ZNF81: variants seen among roughly 807,000 people sequenced by gnomAD.
The protein encoded by ZNF81 is zinc finger protein 81 (HFZ20).
ZNF81 carries 5 observed loss-of-function variants against 32.3 expected under a neutral mutation model. The observed-to-expected ratio is 0.15, with a 90% CI of 0.08 to 0.33. The LOEUF (loss-of-function observed/expected upper bound fraction) is 0.33. Among genes scored for constraint, ZNF81 ranks in the 10% least tolerant of loss-of-function variants. The pLI is 1.00. For synonymous variants in ZNF81, 163 were observed against 166.8 expected (o/e 0.98, Z 0.17); for missense variants, 379 against 479.8 (o/e 0.79, Z 1.96).
chrX:47,915,470 C>T lies in ZNF81; in HGVS notation c.824C>T (p.Thr275Ile), dbSNP rs782354746. The change falls in exon 5 of 5, where the codon ACA becomes ATA. Residue 275 changes from threonine (T) to isoleucine (I), a missense_variant. Thr to Ile is a moderately conservative substitution (Grantham distance 89, BLOSUM62 -1). This residue lies in a region of ZNF81 where 277 missense variants were observed against 306.6 expected (regional missense o/e 0.90). Transcript: ENST00000338637. Reference protein sequence around the residue: ...VKFPIGEKANTCTEFGKIFTQ... With the variant: ...VKFPIGEKANICTEFGKIFTQ... ...TTTCCCATTGGAGAGAAAGCAAACACATGTACTGAATTTGGGAAGATCTTC... is the reference window on the plus strand; with the variant it reads ...TTTCCCATTGGAGAGAAAGCAAACATATGTACTGAATTTGGGAAGATCTTC... 8.3e-7 allele frequency: 1 copy of T among 1,211,542 alleles called. No homozygotes were observed. The highest frequency in any genetic ancestry group is 1.1e-6 in the Non-Finnish European group (1 of 895,441).
At chrX:47,898,439 G>A (rs1022628603) in intron 4 of ZNF81, among the ~76,000 whole-genome samples, 138 of 111,863 alleles carry the variant, frequency 1.2e-3, no homozygotes, top group African/African-American at 4.0e-3. Flanking sequence ...TAGTTAATAC[G>A]TTATCCTTTT....
chrX:47,894,406 T>G lies in ZNF81; in HGVS notation c.182-1439T>G, dbSNP rs191649876. 1.4e-3 allele frequency among the ~76,000 whole-genome samples: 157 copies of G among 111,835 alleles called. 7 individuals carry two copies. The East Asian group carries it at 0.031, about 22-fold the overall frequency. ...AATTAGGCAATGCCAGGATTCCCCT[T>G]GGTAATCATGATCAGTTACCCCAGC... is the stretch of plus-strand genomic sequence containing the variant. On this transcript the variant is annotated intron_variant, in intron 3 of 4. Transcript: ENST00000338637.
rs2058786580 is a variant in ZNF81 at position 47,924,923 on chromosome X, C to T, written c.*8291C>T. Among the ~76,000 whole-genome samples, 1 of 111,259 alleles carries T rather than the reference C, an allele frequency of 9.0e-6. No individual in the cohort carries two copies. The highest frequency in any genetic ancestry group is 1.9e-5 in the Non-Finnish European group (1 of 52,985). On this transcript the variant is annotated 3_prime_UTR_variant, in exon 5 of 5. Transcript: ENST00000338637. ...TAGAAATATTGAAAACACAGTACAA[C>T]CTATATAACATCCATCTAGATTTAA... is the stretch of plus-strand genomic sequence containing the variant.
intron 2 of ZNF81, among the ~76,000 whole-genome samples, chrX:47,868,805 G>T (rs1257066036): frequency 9.1e-6 from 1 of 109,883 alleles, no homozygotes; most frequent in African/African-American, 3.3e-5. Context: ...TATTGGGAAG[G>T]CTCAAGGGAT....
At chrX:47,858,056 G>T (rs781816935) in intron 2 of ZNF81, among the ~76,000 whole-genome samples, 2 of 111,327 alleles carry the variant, frequency 1.8e-5, no homozygotes, top group Non-Finnish European at 3.8e-5. Flanking sequence ...GAGAACATCA[G>T]CACTTACAGA....
At chrX:47,847,187 C>T (rs1359550191) in intron 2 of ZNF81, among the ~76,000 whole-genome samples, 1 of 111,837 alleles carries the variant, frequency 8.9e-6, no homozygotes, top group African/African-American at 3.3e-5. Context: ...GTGTGTTCAC[C>T]CATCTTCACA....
chrX:47,868,020 G>A (rs1280330487), intron 2 of ZNF81, among the ~76,000 whole-genome samples: 3 of 111,550 alleles, frequency 2.7e-5, no homozygotes, highest in Non-Finnish European at 3.8e-5. Flanking sequence ...GGCTATTATC[G>A]AGTTTATTAT....
rs1169956022 is a variant in ZNF81, at chrX:47,917,057, G to C, written c.*425G>C. The C allele has an allele frequency of 3.9e-5, 11 of 281,718 alleles. No individual in the cohort carries two copies. In the East Asian group the frequency reaches 5.5e-4, roughly 14 times the overall value. 23.2% of individuals were successfully genotyped at this position (281,718 alleles called of 1,213,427 possible). A position where few individuals can be genotyped will look rare whatever the true frequency, so the allele number is the denominator to read the frequency against. ...GGTAGTGCAGCAAAATAATATAACT[G>C]GTGAGTAGACCTACTTTCAGTTCCA... On this transcript the variant is annotated 3_prime_UTR_variant, in exon 5 of 5. Coordinates refer to ENST00000338637, the MANE Select transcript of ZNF81 (RefSeq NM_007137.5).
chrX:47,865,285 G>A, intron 2 of ZNF81, among the ~76,000 whole-genome samples: 1 of 111,833 alleles, frequency 8.9e-6, no homozygotes, highest in Non-Finnish European at 1.9e-5. Flanking sequence ...TGAATCAGCC[G>A]ACCCCAAAGT....
At chrX:47,838,922 G>A (rs946694222) in intron 1 of ZNF81, among the ~76,000 whole-genome samples, 3 of 111,394 alleles carry the variant, frequency 2.7e-5, no homozygotes, top group Non-Finnish European at 5.7e-5. Flanking sequence ...GAGTAGCTGG[G>A]ACTCCAGGCA....
At position 47,923,884 on chromosome X, in the gene ZNF81, A is replaced by G. The variant is rs1245978097; in HGVS notation, c.*7252A>G. Among the ~76,000 whole-genome samples the G allele has an allele frequency of 9.0e-6, 1 of 111,425 alleles. No individual in the cohort carries two copies. The highest frequency in any genetic ancestry group is 1.9e-5 in the Non-Finnish European group (1 of 53,087). On this transcript the variant is annotated 3_prime_UTR_variant, in exon 5 of 5. Transcript: ENST00000338637. ...TACCCAGCAGGTTCCAGTTTTTCCT[A>G]TCTTCCACTCTATATCCAGCCCTTC...
At chrX:47,883,201 A>G (rs1448168091) in intron 2 of ZNF81, among the ~76,000 whole-genome samples, 2 of 111,351 alleles carry the variant, frequency 1.8e-5, no homozygotes, top group African/African-American at 3.3e-5. Context: ...CCATTTGTAT[A>G]TCTTTTTTGT....
At chrX:47,843,462 C>T (rs180745325) in intron 1 of ZNF81, among the ~76,000 whole-genome samples, 7 of 110,593 alleles carry the variant, frequency 6.3e-5, no homozygotes, top group African/African-American at 2.0e-4. Flanking sequence ...CACACACACA[C>T]ACATTCTTGA....
intron 1 of ZNF81, among the ~76,000 whole-genome samples, chrX:47,843,432 T>TACACACACACACACAC (rs782116296): frequency 0.025 from 2,399 of 96,813 alleles, 40 homozygotes; most frequent in Middle Eastern, 0.043. Context: ...TTCCTATATC[T>TACACACACACACACAC]ACACACACAC....
rs1299585385 is a variant in ZNF81 at position 47,924,890 on chromosome X, C to G, written c.*8258C>G. On this transcript the variant is annotated 3_prime_UTR_variant, in exon 5 of 5. Transcript: ENST00000338637. ...CTCACATCTTAATTATGTGTATTTTCAATCATGTAGAAATATTGAAAACAC... is the reference window on the plus strand; with the variant it reads ...CTCACATCTTAATTATGTGTATTTTGAATCATGTAGAAATATTGAAAACAC... 9.0e-6 allele frequency among the ~76,000 whole-genome samples: 1 copy of G among 111,216 alleles called. No individual in the cohort carries two copies. Among genetic ancestry groups the G allele is most frequent in the Non-Finnish European group, 1.9e-5 (1 of 53,036 alleles).
chrX:47,846,562 C>A (rs932491712), intron 2 of ZNF81, among the ~76,000 whole-genome samples: 1 of 111,500 alleles, frequency 9.0e-6, no homozygotes, highest in East Asian at 2.8e-4. Context: ...AGGTTAATAG[C>A]CCTTTATCAT....
chrX:47,876,975 A>G (rs893740659), intron 2 of ZNF81, among the ~76,000 whole-genome samples: 35 of 111,953 alleles, frequency 3.1e-4, no homozygotes, highest in Non-Finnish European at 5.3e-4. Context: ...ATGTCTCACT[A>G]CCATGTGTCT....
chrX:47,852,749 T>C (rs1039916042), intron 2 of ZNF81, among the ~76,000 whole-genome samples: 18 of 112,785 alleles, frequency 1.6e-4, no homozygotes, highest in African/African-American at 5.8e-4. Context: ...GAATCCAGTC[T>C]TTCCAGACTT....
At position 47,846,760 on chromosome X, in the gene ZNF81, T is replaced by A. The variant is rs782702527; in HGVS notation, c.54+439T>A. ...AAGCAAGCACCCTTACTCTTTTTAA[T>A]AGTTTTAAAGAATGTTTTGGGTGTT... On this transcript the variant is annotated intron_variant, in intron 2 of 4. Transcript: ENST00000338637. Among the ~76,000 whole-genome samples the A allele has an allele frequency of 8.9e-5, 10 of 112,065 alleles. No individual in the cohort carries two copies. In the South Asian group the frequency reaches 3.7e-3, roughly 42 times the overall value.
Sources: gnomAD v4.1 joint callset for allele counts (sites outside exome capture counted in the v4.1 genomes callset) on GRCh38, gnomAD v4.1.1 for gene constraint, gnomAD v4.1.1 regional missense constraint, MANE v1.5 for transcripts, NCBI Gene and HGNC (gene_info 2026-07-23, HGNC 2026-07-21) for gene names.